The following AGBL4 variants were observed in gnomAD, a reference collection of about 807,000 sequenced individuals.
AGBL4 encodes the protein cytosolic carboxypeptidase 6.
A neutral mutation model predicts 66.4 loss-of-function variants in AGBL4; 58 were observed. That is an observed-to-expected ratio of 0.87 (90% CI 0.71 to 1.09). AGBL4 has a LOEUF of 1.09. Among genes scored for constraint, AGBL4 ranks in the 50% least tolerant of loss-of-function variants. The probability of loss-of-function intolerance (pLI) is 0.00; values close to 1 mark genes in which losing one functional copy is unlikely to be tolerated. For missense variants in AGBL4, 579 were observed against 631.0 expected (o/e 0.92, Z 0.88); for synonymous variants, 234 against 222.9 (o/e 1.05, Z -0.44).
intron 2 of AGBL4, among the ~76,000 whole-genome samples, chr1:49,732,534 T>C (rs997135941): frequency 5.9e-5 from 9 of 152,148 alleles, no homozygotes; most frequent in African/African-American, 1.7e-4. Context: ...AAATAAATTA[T>C]GATAAATACT....
At chr1:49,851,325 T>C (rs1646298169) in intron 2 of AGBL4, 71 bp downstream of exon 2, 3 of 1,448,616 alleles carry the variant, frequency 2.1e-6, no homozygotes, top group East Asian at 2.6e-5. Context: ...AATGGTCACA[T>C]AAAATTCAAT....
intron 11 of AGBL4, among the ~76,000 whole-genome samples, chr1:48,581,172 G>T (rs1228300824): frequency 6.6e-6 from 1 of 152,104 alleles, no homozygotes; most frequent in African/African-American, 2.4e-5. Flanking sequence ...TCTTTTTCTA[G>T]TGTCTAATGT....
At chr1:49,542,431 C>T (rs1652118976) in intron 3 of AGBL4, among the ~76,000 whole-genome samples, 1 of 152,130 alleles carries the variant, frequency 6.6e-6, no homozygotes, top group Non-Finnish European at 1.5e-5. Context: ...CTCAACACAT[C>T]CGAACATCAG....
At chr1:49,068,267 C>T (rs999377737) in intron 4 of AGBL4, among the ~76,000 whole-genome samples, 1 of 151,352 alleles carries the variant, frequency 6.6e-6, no homozygotes, top group African/African-American at 2.4e-5. Context: ...TTCTGGGGTA[C>T]ATGTGCACAA....
At chr1:49,929,103 G>C (rs933755958) in intron 1 of AGBL4, among the ~76,000 whole-genome samples, 2 of 152,116 alleles carry the variant, frequency 1.3e-5, no homozygotes, top group South Asian at 2.1e-4. Context: ...CTTATAAGTG[G>C]GAGCTAAGCA....
intron 5 of AGBL4, among the ~76,000 whole-genome samples, chr1:48,996,803 T>TTTCCTTCCTCCCTTCCTTCC (rs1661030570): frequency 2.0e-5 from 2 of 99,616 alleles, no homozygotes; most frequent in African/African-American, 1.0e-4. Context: ...GGCCAAGGAA[T>TTTCCTTCCTCCCTTCCTTCC]TTCCTTCCTT....
At chr1:49,317,850 A>G (rs1645067250) in intron 3 of AGBL4, among the ~76,000 whole-genome samples, 1 of 152,074 alleles carries the variant, frequency 6.6e-6, no homozygotes. Flanking sequence ...TAATTACTGT[A>G]TATGTCTTGC....
At chr1:49,253,525 G>A (rs184625012) in intron 3 of AGBL4, among the ~76,000 whole-genome samples, 2 of 152,104 alleles carry the variant, frequency 1.3e-5, no homozygotes, top group Non-Finnish European at 2.9e-5. Context: ...AATTGAGGCA[G>A]TAATACATAG....
At chr1:49,571,144 G>T (rs1225320016) in intron 3 of AGBL4, among the ~76,000 whole-genome samples, 1 of 151,240 alleles carries the variant, frequency 6.6e-6, no homozygotes, top group Non-Finnish European at 1.5e-5. Context: ...TGTATTATGA[G>T]AAAGATTGTA....
At chr1:49,844,654 G>A (rs1386995620) in intron 2 of AGBL4, 2 of 1,558,062 alleles carry the variant, frequency 1.3e-6, no homozygotes, top group South Asian at 2.5e-5. Flanking sequence ...CCCTGGAACA[G>A]AGATTAAGGG....
At chr1:49,275,681 G>A (rs1041758714) in intron 3 of AGBL4, among the ~76,000 whole-genome samples, 5 of 152,038 alleles carry the variant, frequency 3.3e-5, no homozygotes, top group Admixed American at 1.3e-4. Flanking sequence ...CTTGCCCATA[G>A]TTTTTGAGTT....
chr1:49,846,525 A>G, intron 2 of AGBL4: 1 of 661,192 alleles, frequency 1.5e-6, no homozygotes, highest in Non-Finnish European at 2.4e-6. Context: ...ACAGACTAAT[A>G]CAAAAGTGAA....
intron 3 of AGBL4, among the ~76,000 whole-genome samples, chr1:49,509,231 G>A (rs1477036547): frequency 6.6e-6 from 1 of 151,678 alleles, no homozygotes; most frequent in African/African-American, 2.4e-5. Flanking sequence ...AAGGTGGAGA[G>A]GAAACACACA....
intron 3 of AGBL4, among the ~76,000 whole-genome samples, chr1:49,394,345 G>A (rs1271936173): frequency 6.6e-6 from 1 of 151,650 alleles, no homozygotes; most frequent in Admixed American, 6.6e-5. Flanking sequence ...AGCTGAAGAG[G>A]TGCTAATGTG....
intron 2 of AGBL4, among the ~76,000 whole-genome samples, chr1:49,769,618 C>A (rs1643997121): frequency 6.6e-6 from 1 of 152,094 alleles, no homozygotes; most frequent in Non-Finnish European, 1.5e-5. Context: ...AACACAGACA[C>A]ATAGACCAAT....
intron 9 of AGBL4, among the ~76,000 whole-genome samples, chr1:48,612,106 A>G (rs1373143193): frequency 6.6e-6 from 1 of 152,256 alleles, no homozygotes; most frequent in Non-Finnish European, 1.5e-5. Flanking sequence ...CAGTGCGGCC[A>G]GGGGCCTGCT....
In AGBL4 at chr1:49,052,484, T is replaced by C. The variant is rs77101717; in HGVS notation, c.378-6684A>G. ...GTGCCTCTGTATAAAATGTGGTTAC[T>C]AAAAAGCATCCTGTATCCTTCTTAG... On this transcript the variant is annotated intron_variant, in intron 4 of 13. Coordinates refer to ENST00000371839, the MANE Select transcript of AGBL4 (RefSeq NM_032785.4). Among the ~76,000 whole-genome samples the C allele has an allele frequency of 3.2e-4, 48 of 152,310 alleles. No homozygotes were observed. In the East Asian group the frequency reaches 9.1e-3, roughly 29 times the overall value.
Position 48,742,510 on chromosome 1 carries a change from G to A in AGBL4, c.635-79269C>T, listed in dbSNP as rs992013644. The A allele has an allele frequency of 8.8e-6, 10 of 1,139,838 alleles. No individual in the cohort carries two copies. In the African/African-American group the frequency reaches 1.6e-4, roughly 18 times the overall value. 70.6% of individuals were successfully genotyped at this position (1,139,838 alleles called of 1,614,324 possible). A position where few individuals can be genotyped will look rare whatever the true frequency, so the allele number is the denominator to read the frequency against. Reference sequence around the variant, plus strand: ...TTCCAGAAACAGTCATTCAGGGCTAGGCCAGGAGGCCAACCAGTCAAGCTG... The same window carrying A: ...TTCCAGAAACAGTCATTCAGGGCTAAGCCAGGAGGCCAACCAGTCAAGCTG... On this transcript the variant is annotated intron_variant, in intron 6 of 13. Coordinates refer to ENST00000371839, the MANE Select transcript of AGBL4 (RefSeq NM_032785.4).
intron 6 of AGBL4, among the ~76,000 whole-genome samples, chr1:48,744,204 G>C (rs1416168308): frequency 1.3e-5 from 2 of 152,294 alleles, no homozygotes; most frequent in Non-Finnish European, 2.9e-5. Context: ...GCTGGGCCTA[G>C]GTCTTATTCT....
Sources: allele counts gnomAD v4.1 joint callset (sites outside exome capture counted in the v4.1 genomes callset), GRCh38; gene constraint gnomAD v4.1.1; transcripts MANE v1.5; gene names NCBI Gene and HGNC (gene_info 2026-07-23, HGNC 2026-07-21).